The following LAMC1 variants were observed in gnomAD, a reference collection of about 807,000 sequenced individuals.
The protein encoded by LAMC1 is laminin subunit gamma-1.
Under a neutral mutation model 173.6 loss-of-function variants are expected in LAMC1, and 38 were observed. The ratio of observed to expected loss-of-function variants is 0.22; its 90% CI spans 0.17 to 0.29. LAMC1 has a LOEUF of 0.29. Among genes scored for constraint, LAMC1 ranks in the 10% least tolerant of loss-of-function variants. The probability of loss-of-function intolerance (pLI) is 1.00; values close to 1 mark genes in which losing one functional copy is unlikely to be tolerated. For missense variants in LAMC1, 1,824 were observed against 2,051.8 expected, an observed-to-expected ratio of 0.89 and a Z score of 2.14; for synonymous variants, 746 against 749.1, an observed-to-expected ratio of 1.00 and a Z score of 0.07.
chr1:183,113,390 G>A (rs1056208527), intron 4 of LAMC1, among the ~76,000 whole-genome samples: 7 of 117,310 alleles, frequency 6.0e-5, no homozygotes, highest in African/African-American at 1.7e-4. Flanking sequence ...CAAAAAAGAT[G>A]TATTCGAATA....
chr1:183,033,817 G>T (rs1470889255), intron 1 of LAMC1, among the ~76,000 whole-genome samples: 1 of 151,956 alleles, frequency 6.6e-6, no homozygotes, highest in East Asian at 1.9e-4. Flanking sequence ...TCAGCCTCCC[G>T]AGTAGCTGGG....
chr1:183,056,854 T>C (rs545886839), intron 1 of LAMC1, among the ~76,000 whole-genome samples: 1 of 152,346 alleles, frequency 6.6e-6, no homozygotes, highest in Admixed American at 6.5e-5. Flanking sequence ...TTGTACTTCA[T>C]GGGACAGAGA....
At chr1:183,118,537 A>C (rs932448624) in intron 11 of LAMC1, among the ~76,000 whole-genome samples, 1 of 152,162 alleles carries the variant, frequency 6.6e-6, no homozygotes, top group Non-Finnish European at 1.5e-5. Flanking sequence ...AGCCTGGCCA[A>C]CATGGTGGAA....
intron 1 of LAMC1, among the ~76,000 whole-genome samples, chr1:183,035,297 T>C (rs1482827483): frequency 6.6e-6 from 1 of 152,168 alleles, no homozygotes; most frequent in African/African-American, 2.4e-5. Context: ...CAAACAAACC[T>C]CCCACCTCAG....
At chr1:183,137,499 A>T (rs984101079) in intron 25 of LAMC1, among the ~76,000 whole-genome samples, 170 bp from the exon 26 acceptor site, 1 of 152,138 alleles carries the variant, frequency 6.6e-6, no homozygotes, top group Non-Finnish European at 1.5e-5. Context: ...TTTTTTTATG[A>T]TTATTTATAA....
chr1:183,063,877 T>C (rs1446052856), intron 1 of LAMC1, among the ~76,000 whole-genome samples: 1 of 152,336 alleles, frequency 6.6e-6, no homozygotes, highest in East Asian at 1.9e-4. Flanking sequence ...TGCTCATCCA[T>C]CGTAATTGAT....
At chr1:183,077,638 AGT>A (rs1655148945) in intron 1 of LAMC1, among the ~76,000 whole-genome samples, 7 of 151,844 alleles carry the variant, frequency 4.6e-5, no homozygotes, top group Non-Finnish European at 1.0e-4. Flanking sequence ...CCCACATATC[AGT>A]GAGAACATAG....
Position 183,023,561 on chromosome 1 carries a change from GTC to G in LAMC1, c.-151_-150del, listed in dbSNP as rs1653588579. 1 of 407,064 alleles carries G rather than the reference GTC, an allele frequency of 2.5e-6. No homozygotes were observed. The highest frequency in any genetic ancestry group is 3.7e-6 in the Non-Finnish European group (1 of 273,140). The allele number at this position is 407,064 out of a possible 1,614,324, so 25.2% of individuals were successfully genotyped here. ...CCTCGCTAGGGGCGCCCACCCGTCA[GTC>G]TCTCCGGCGCGAGCCGCCGCCACCG... On this transcript the variant is annotated 5_prime_UTR_variant, in exon 1 of 28. Coordinates refer to ENST00000258341, the MANE Select transcript of LAMC1 (RefSeq NM_002293.4).
chr1:183,097,338 A>G (rs1655719159), intron 1 of LAMC1, among the ~76,000 whole-genome samples: 1 of 152,146 alleles, frequency 6.6e-6, no homozygotes, highest in Admixed American at 6.5e-5. Flanking sequence ...CTTCAAGGAG[A>G]GCATTCCTTT....
At position 183,133,494 on chromosome 1, in the gene LAMC1, G is replaced by T; in HGVS notation, c.3793G>T (p.Val1265Leu). Reference sequence around the variant, plus strand: ...GGCCAAAAGGGCCGGTGACAAAGCTGTGGAGATCTATGCCAGCGTGGCTCA... The same window carrying T: ...GGCCAAAAGGGCCGGTGACAAAGCTTTGGAGATCTATGCCAGCGTGGCTCA... ...EEAKRAGDKA[V>L]EIYASVAQLS... The change falls in exon 22 of 28, where the codon GTG (valine) becomes TTG (leucine). Residue 1265 changes from valine (V) to leucine (L), a missense_variant. Val to Leu is a conservative substitution (Grantham distance 32). Transcript: ENST00000258341. 1 of 1,614,032 alleles carries T rather than the reference G, an allele frequency of 6.2e-7. No individual in the cohort carries two copies. Among genetic ancestry groups the T allele is most frequent in the Non-Finnish European group, 8.5e-7 (1 of 1,179,894 alleles).
Position 183,125,623 on chromosome 1 carries a change from A to C in LAMC1, c.2801+73A>C, listed in dbSNP as rs925737460. 8 of 1,156,262 alleles carry C rather than the reference A, an allele frequency of 6.9e-6. No homozygotes were observed. In the African/African-American group the frequency reaches 1.1e-4, roughly 16 times the overall value. The allele number at this position is 1,156,262 out of a possible 1,614,324, so 71.6% of individuals were successfully genotyped here. A position where few individuals can be genotyped will look rare whatever the true frequency, so the allele number is the denominator to read the frequency against. On this transcript the variant is annotated intron_variant, in intron 15 of 27. Coordinates refer to ENST00000258341, the MANE Select transcript of LAMC1 (RefSeq NM_002293.4). ...ATAAAAAATGAATTTTTATAAGTAC[A>C]TTTAATAATTGACTGTTCAGAAATT...
intron 1 of LAMC1, among the ~76,000 whole-genome samples, chr1:183,103,055 C>T (rs545241492): frequency 3.3e-5 from 5 of 152,282 alleles, no homozygotes; most frequent in Admixed American, 6.5e-5. Context: ...AGTATAAGTA[C>T]AGTACTAACA....
At chr1:183,075,416 T>C (rs1655100749) in intron 1 of LAMC1, among the ~76,000 whole-genome samples, 1 of 152,160 alleles carries the variant, frequency 6.6e-6, no homozygotes, top group African/African-American at 2.4e-5. Context: ...GCGCCCAGCG[T>C]ATCTGATGTT....
At position 183,121,958 on chromosome 1, in the gene LAMC1, T is replaced by C. The variant is rs1434615795; in HGVS notation, c.2212+14T>C. ...ATCCTGAGACAGGTGAGATGATCTT[T>C]GGCAGCTCTTAGACCTAACTTCTCT... is the stretch of plus-strand genomic sequence containing the variant. On this transcript the variant is annotated intron_variant, in intron 12 of 27. Transcript: ENST00000258341. The C allele has an allele frequency of 2.5e-6, 4 of 1,612,980 alleles. No homozygotes were observed. The highest frequency in any genetic ancestry group is 3.4e-6 in the Non-Finnish European group (4 of 1,178,994).
intron 17 of LAMC1, 69 bp downstream of exon 17, chr1:183,127,473 T>C (rs1202412005): frequency 1.4e-6 from 2 of 1,420,248 alleles, no homozygotes; most frequent in African/African-American, 1.4e-5. Flanking sequence ...TGTGCACTAA[T>C]CTCTATAGAA....
intron 1 of LAMC1, among the ~76,000 whole-genome samples, chr1:183,041,423 T>C (rs1357765950): frequency 6.6e-6 from 1 of 152,236 alleles, no homozygotes; most frequent in Non-Finnish European, 1.5e-5. Flanking sequence ...AAGATTTTGC[T>C]AATTTCTAAT....
intron 1 of LAMC1, among the ~76,000 whole-genome samples, chr1:183,061,035 A>C (rs10737239): frequency 0.5 from 76,187 of 151,870 alleles, 19,743 homozygotes; most frequent in South Asian, 0.64. Flanking sequence ...GAAAATTAGT[A>C]TAATGGTAGT....
chr1:183,061,361 G>C (rs1654742512), intron 1 of LAMC1, among the ~76,000 whole-genome samples: 1 of 119,436 alleles, frequency 8.4e-6, no homozygotes, highest in African/African-American at 2.7e-5. Flanking sequence ...AGATTTTTTG[G>C]TTGGTGTTTT....
intron 11 of LAMC1, among the ~76,000 whole-genome samples, chr1:183,119,254 C>T (rs755893962): frequency 6.6e-6 from 1 of 151,976 alleles, no homozygotes; most frequent in African/African-American, 2.4e-5. Flanking sequence ...TAGCAAGGTA[C>T]AGCTGTTTGG....
Sources: gnomAD v4.1 joint callset for allele counts (sites outside exome capture counted in the v4.1 genomes callset) on GRCh38, gnomAD v4.1.1 for gene constraint, MANE v1.5 for transcripts, NCBI Gene and HGNC (gene_info 2026-07-23, HGNC 2026-07-21) for gene names.